RPL3L: variants seen among roughly 807,000 people sequenced by gnomAD.
RPL3L encodes ribosomal protein L3 like.
A neutral mutation model predicts 44.5 loss-of-function variants in RPL3L; 44 were observed. That is an observed-to-expected ratio of 0.99 (90% CI 0.78 to 1.27). The LOEUF is 1.27. RPL3L is among the 50% of genes most tolerant of loss of function. The pLI is 0.00. For missense variants in RPL3L, 631 were observed against 569.1 expected (o/e 1.11, Z -1.11); for synonymous variants, 292 against 230.7 (o/e 1.27, Z -2.41).
chr16:1,953,085 A>G (rs1334537794), intron 2 of RPL3L, 43 bp from the exon 3 acceptor site: 3 of 1,549,746 alleles, frequency 1.9e-6, no homozygotes, highest in Non-Finnish European at 2.6e-6. Context: ...GGACCTCCTG[A>G]GGCCTGTGGG....
chr16:1,947,938 ATT>A (rs1158555053), intron 4 of RPL3L, among the ~76,000 whole-genome samples: 160 of 109,966 alleles, frequency 1.5e-3, no homozygotes, highest in Middle Eastern at 4.9e-3. Flanking sequence ...ATCTGATTGG[ATT>A]TTTTTTTTTT....
In RPL3L at chr16:1,952,927, G is replaced by A; in HGVS notation, c.312C>T (p.Thr104=). The change falls in exon 3 of 10, where the codon ACC becomes ACT. Residue 104 remains threonine, a synonymous_variant. Coordinates refer to ENST00000268661, the MANE Select transcript of RPL3L (RefSeq NM_005061.3). The part of the protein sequence containing the change: ...ATPRGLRSFK[T]IFAEHLSDEC... Reference sequence around the variant, plus strand: ...CATCACTGAGGTGTTCTGCAAAGATGGTCTTGAAGCTCCGGAGACCTCGAG... The same window carrying A: ...CATCACTGAGGTGTTCTGCAAAGATAGTCTTGAAGCTCCGGAGACCTCGAG... 1.9e-6 allele frequency: 3 copies of A among 1,613,976 alleles called. No individual in the cohort carries two copies. The highest frequency in any genetic ancestry group is 2.5e-6 in the Non-Finnish European group (3 of 1,179,984).
At position 1,947,165 on chromosome 16, in the gene RPL3L, C is replaced by G. The variant is rs528040098; in HGVS notation, c.688+29G>C. The G allele has an allele frequency of 1.9e-6, 3 of 1,612,940 alleles. No individual in the cohort carries two copies. The Admixed American group carries it at 5.0e-5, about 27-fold the overall frequency. Reference sequence around the variant, plus strand: ...CCCCACTGCCTCCAGGCAGCCTGCCCTGGAGCTGCCATCCTCACTGAGCCC... The same window carrying G: ...CCCCACTGCCTCCAGGCAGCCTGCCGTGGAGCTGCCATCCTCACTGAGCCC... On this transcript the variant is annotated intron_variant, in intron 5 of 9. Transcript: ENST00000268661.
intron 4 of RPL3L, among the ~76,000 whole-genome samples, chr16:1,947,948 T>C (rs1215784676): frequency 6.8e-6 from 1 of 147,440 alleles, no homozygotes; most frequent in African/African-American, 2.5e-5. Flanking sequence ...ATTTTTTTTT[T>C]TTTTTTTTTT....
At chr16:1,948,173 A>G (rs58493415) in intron 4 of RPL3L, among the ~76,000 whole-genome samples, 15,530 of 151,168 alleles carry the variant, frequency 0.1, 1,082 homozygotes, top group African/African-American at 0.19. Flanking sequence ...TCCTGACCTC[A>G]TGATCCGCCC....
rs537100662 is a variant in RPL3L, at chr16:1,944,499, TC to T, written c.*337del. The T allele has an allele frequency of 4.1e-5, 6 of 147,480 alleles. No individual in the cohort carries two copies. The East Asian group carries it at 8.2e-4, about 20-fold the overall frequency. 9.1% of individuals were successfully genotyped at this position (147,480 alleles called of 1,614,324 possible). ...GCCAAGTTATCCTTAAAAACTCTGC[TC>T]CCCGGCACTCCAGCAGCCTGGGCGA... On this transcript the variant is annotated 3_prime_UTR_variant, in exon 10 of 10. Transcript: ENST00000268661.
At chr16:1,945,396 T>C in intron 9 of RPL3L, 103 bp downstream of exon 9, 1 of 1,299,866 alleles carries the variant, frequency 7.7e-7, no homozygotes, top group East Asian at 2.7e-5. Flanking sequence ...TCTCCTGCAG[T>C]TGAGCTCAGG....
intron 4 of RPL3L, among the ~76,000 whole-genome samples, chr16:1,950,180 T>G (rs1597028239): frequency 6.9e-6 from 1 of 143,936 alleles, no homozygotes; most frequent in Non-Finnish European, 1.5e-5. Flanking sequence ...GGGGTGGGTA[T>G]GTATGGGGCG....
At chr16:1,951,089 G>C in intron 3 of RPL3L, 110 bp from the exon 4 acceptor site, 1 of 1,433,374 alleles carries the variant, frequency 7.0e-7, no homozygotes. Flanking sequence ...CTACCTCTGG[G>C]ACCGCCCCCC....
rs550373836 is a variant in RPL3L at position 1,944,558 on chromosome 16, A to T, written c.*279T>A. On this transcript the variant is annotated 3_prime_UTR_variant, in exon 10 of 10. Coordinates refer to ENST00000268661, the MANE Select transcript of RPL3L (RefSeq NM_005061.3). ...AAGACTCTCTCAAAAAAAAAAAAAAAAAAAACCTCTGCTCCGCAAATGCTC... is the reference window on the plus strand; with the variant it reads ...AAGACTCTCTCAAAAAAAAAAAAAATAAAAACCTCTGCTCCGCAAATGCTC... 3.2e-6 allele frequency: 1 copy of T among 309,524 alleles called. No homozygotes were observed. 19.2% of individuals were successfully genotyped at this position (309,524 alleles called of 1,614,324 possible).
chr16:1,952,171 G>T (rs900779685), intron 3 of RPL3L, among the ~76,000 whole-genome samples: 2 of 150,158 alleles, frequency 1.3e-5, no homozygotes. Flanking sequence ...TTTTCACCAT[G>T]TTGGCCAGGC....
chr16:1,945,743 C>A (rs1243271197), intron 8 of RPL3L, 92 bp downstream of exon 8: 2 of 1,603,632 alleles, frequency 1.2e-6, no homozygotes, highest in East Asian at 4.5e-5. Flanking sequence ...CCTTCTGCTC[C>A]CACCACTCCA....
At position 1,946,629 on chromosome 16, in the gene RPL3L, G is replaced by A. The variant is rs370382361; in HGVS notation, c.947C>T (p.Pro316Leu). ...SYDVTAKSIT[P>L]LGGFPHYGEV... is the part of the protein sequence containing the mutation. ...GTCGCCCCCTCCCAGCCTCACCAGC[G>A]GTGTGATGGACTTGGCAGTCACGTC... The change falls in exon 7 of 10, where the codon CCG becomes CTG. Residue 316 changes from proline (P) to leucine (L), a missense_variant. Transcript: ENST00000268661. 4.8e-5 allele frequency: 77 copies of A among 1,612,044 alleles called. No homozygotes were observed. The highest frequency in any genetic ancestry group is 1.6e-4 in the East Asian group (7 of 44,880).
In RPL3L at chr16:1,947,076, G is replaced by A. The variant is rs35067006; in HGVS notation, c.711C>T (p.Thr237=). 29,231 of 1,613,716 alleles carry A rather than the reference G, an allele frequency of 0.018. 327 individuals are homozygous for A. The highest frequency in any genetic ancestry group is 0.02 in the Non-Finnish European group (23,974 of 1,179,992). The change falls in exon 6 of 10, where the codon ACC becomes ACT. Residue 237 remains threonine (T), a synonymous_variant. Transcript: ENST00000268661. ...TATGGGTCTTCCGCGGCAGCTTCTTGGTATGCCAGCGGCTTGTGACCCCTG... is the reference window on the plus strand; with the variant it reads ...TATGGGTCTTCCGCGGCAGCTTCTTAGTATGCCAGCGGCTTGTGACCCCTG... ...GVKGVTSRWH[T]KKLPRKTHKG...
At position 1,947,283 on chromosome 16, in the gene RPL3L, CG is replaced by C. The variant is rs1160881668; in HGVS notation, c.598del (p.Arg200GlyfsTer100). ...GTGCACGGGCACCTGCTTCTCCAGC[CG>C]GGCCTGGGCCCAGGCCACCTTCTCG... ...VAEKVAWAQA[R>X]LEKQVPVHSV... On this transcript the variant is annotated frameshift_variant, in exon 5 of 10. Transcript: ENST00000268661. LOFTEE classifies it high-confidence loss of function. 2 of 1,613,192 alleles carry C rather than the reference CG, an allele frequency of 1.2e-6. No homozygotes were observed. The highest frequency in any genetic ancestry group is 4.5e-5 in the East Asian group (2 of 44,878).
In RPL3L at chr16:1,946,924, G is replaced by A. The variant is rs199867506; in HGVS notation, c.849+14C>T. ...CGACCACACAGTGTCCCCGTACCCC[G>A]GCTGAGGACGCACCTTCTTGTTGAG... On this transcript the variant is annotated intron_variant, in intron 6 of 9. Coordinates refer to ENST00000268661, the MANE Select transcript of RPL3L (RefSeq NM_005061.3). The A allele has an allele frequency of 6.9e-4, 1,101 of 1,591,906 alleles. No homozygotes were observed. The highest frequency in any genetic ancestry group is 8.5e-4 in the Non-Finnish European group (993 of 1,168,582).
intron 4 of RPL3L, among the ~76,000 whole-genome samples, chr16:1,949,959 A>C (rs1176379047): frequency 2.9e-3 from 63 of 21,622 alleles, no homozygotes; most frequent in Admixed American, 4.3e-3. Flanking sequence ...CAGGTATGTA[A>C]GGGGCAGGTA....
rs1332927269 is a variant in RPL3L at position 1,944,543 on chromosome 16, C to CA, written c.*293dup. 0.1 allele frequency: 11,478 copies of CA among 109,802 alleles called. 320 individuals are homozygous for CA. The highest frequency in any genetic ancestry group is 0.19 in the African/African-American group (4,097 of 21,776). 6.8% of individuals were successfully genotyped at this position (109,802 alleles called of 1,614,324 possible). A position where few individuals can be genotyped will look rare whatever the true frequency, so the allele number is the denominator to read the frequency against. The stretch of plus-strand genomic sequence containing the variant: ...CTGGGCGACAAGATCAAGACTCTCT[C>CA]AAAAAAAAAAAAAAAAAAAACCTCT... On this transcript the variant is annotated 3_prime_UTR_variant, in exon 10 of 10. Transcript: ENST00000268661.
At chr16:1,947,938 ATTTT>A (rs1158555053) in intron 4 of RPL3L, among the ~76,000 whole-genome samples, 11,204 of 109,678 alleles carry the variant, frequency 0.1, 789 homozygotes, top group African/African-American at 0.24. Context: ...ATCTGATTGG[ATTTT>A]TTTTTTTTTT....
Sources: gnomAD v4.1 joint callset for allele counts (sites outside exome capture counted in the v4.1 genomes callset) on GRCh38, gnomAD v4.1.1 for gene constraint, MANE v1.5 for transcripts, NCBI Gene and HGNC (gene_info 2026-07-23, HGNC 2026-07-21) for gene names.